Variants in CYP27C1 observed in about 807,000 individuals in gnomAD.
The protein encoded by CYP27C1 is cytochrome P450 27C1.
A neutral mutation model predicts 40.6 loss-of-function variants in CYP27C1; 29 were observed. The ratio of observed to expected loss-of-function variants is 0.71; its 90% confidence interval spans 0.53 to 0.97. The LOEUF is 0.97. Among genes scored for constraint, CYP27C1 ranks in the 50% least tolerant of loss-of-function variants. The pLI, the probability that CYP27C1 is intolerant of heterozygous loss-of-function variation, is 0.00. For synonymous variants in CYP27C1, 198 were observed against 186.8 expected, an observed-to-expected ratio of 1.06 and a Z score of -0.49; for missense variants, 390 against 485.8, an observed-to-expected ratio of 0.80 and a Z score of 1.85.
chr2:127,214,407 A>T (rs1439931628), intron 1 of CYP27C1, among the ~76,000 whole-genome samples: 1 of 152,220 alleles, frequency 6.6e-6, no homozygotes, highest in South Asian at 2.1e-4. Flanking sequence ...TAGCAAGGAC[A>T]TGGAACCAAC....
rs1683220721 is a variant in CYP27C1 at position 127,206,099 on chromosome 2, C to T, written c.283-9G>A. 2.0e-5 allele frequency among the ~76,000 whole-genome samples: 3 copies of T among 152,142 alleles called. No homozygotes were observed. The highest frequency in any genetic ancestry group is 7.2e-5 in the African/African-American group (3 of 41,432). On this transcript the variant is annotated splice_polypyrimidine_tract_variant and intron_variant, in intron 1 of 8. Transcript: ENST00000664447. ...TCCCGTGTGTGCTTCTGCTGCAATACCATGGAGAAATCAAAAAAGGAAAAA... is the reference window on the plus strand; with the variant it reads ...TCCCGTGTGTGCTTCTGCTGCAATATCATGGAGAAATCAAAAAAGGAAAAA...
At chr2:127,204,700 G>C (rs1053328492) in intron 2 of CYP27C1, among the ~76,000 whole-genome samples, 1 of 152,128 alleles carries the variant, frequency 6.6e-6, no homozygotes, top group Non-Finnish European at 1.5e-5. Flanking sequence ...GGGGCCTTGG[G>C]GCTCCTGGCT....
At chr2:127,198,112 T>C (rs1304315670) in intron 5 of CYP27C1, among the ~76,000 whole-genome samples, 1 of 151,802 alleles carries the variant, frequency 6.6e-6, no homozygotes, top group Non-Finnish European at 1.5e-5. Context: ...CTCATTCTGA[T>C]ATGAACCCTC....
At chr2:127,204,167 G>A (rs1047652627) in intron 2 of CYP27C1, among the ~76,000 whole-genome samples, 22 of 151,006 alleles carry the variant, frequency 1.5e-4, no homozygotes, top group African/African-American at 5.1e-4. Flanking sequence ...TCGGGAGGCT[G>A]AGGCAGGAGA....
intron 5 of CYP27C1, among the ~76,000 whole-genome samples, chr2:127,197,189 G>C (rs1682923308): frequency 6.6e-6 from 1 of 152,074 alleles, no homozygotes; most frequent in Non-Finnish European, 1.5e-5. Context: ...GTCTTAATTT[G>C]AGCGAATCCA....
rs955656240 is a variant in CYP27C1, at chr2:127,186,464, C to T, written c.*807G>A. The T allele has an allele frequency of 6.6e-6, 1 of 151,856 alleles. No individual in the cohort carries two copies. Among genetic ancestry groups the T allele is most frequent in the Non-Finnish European group, 1.5e-5 (1 of 68,024 alleles). 9.4% of individuals were successfully genotyped at this position (151,856 alleles called of 1,614,324 possible). On this transcript the variant is annotated 3_prime_UTR_variant, in exon 9 of 9. Transcript: ENST00000664447. This position sits in a 1 kb window ranked among gnomAD's most constrained non-coding sequence, Gnocchi z 4.5. ...CCAGGCTGAAGTGCAGTGGTGCCAT[C>T]ATAGATAGCTCACTGCAGACCCAAC...
chr2:127,193,720 A>T, intron 7 of CYP27C1, 69 bp downstream of exon 7: 1 of 1,535,678 alleles, frequency 6.5e-7, no homozygotes. Context: ...AGACTTCCTG[A>T]AGGTAGAAGC....
At chr2:127,214,629 T>G (rs1342819243) in intron 1 of CYP27C1, among the ~76,000 whole-genome samples, 2 of 151,816 alleles carry the variant, frequency 1.3e-5, no homozygotes, top group Non-Finnish European at 2.9e-5. Context: ...TGAGAACACA[T>G]GAACACAGAT....
chr2:127,189,508 G>C (rs907148916), intron 8 of CYP27C1, among the ~76,000 whole-genome samples: 2 of 151,904 alleles, frequency 1.3e-5, no homozygotes, highest in Non-Finnish European at 2.9e-5. Flanking sequence ...ATGCATGTGG[G>C]GCTTAAAACC....
At chr2:127,191,842 C>T (rs975453506) in intron 8 of CYP27C1, among the ~76,000 whole-genome samples, 4 of 152,212 alleles carry the variant, frequency 2.6e-5, no homozygotes, top group African/African-American at 9.6e-5. Context: ...CACATCCACA[C>T]AAAGGTGGGA....
intron 5 of CYP27C1, among the ~76,000 whole-genome samples, chr2:127,197,332 TTTTTG>T (rs559067483): frequency 7.2e-5 from 11 of 152,326 alleles, no homozygotes; most frequent in East Asian, 1.9e-4. Context: ...TGTGGGTTTG[TTTTTG>T]TTTTGTTTTG....
Position 127,195,346 on chromosome 2 carries a change from C to T in CYP27C1, c.1203G>A (p.Lys401=). 1.2e-6 allele frequency: 2 copies of T among 1,614,088 alleles called. No individual in the cohort carries two copies. The highest frequency in any genetic ancestry group is 1.7e-6 in the Non-Finnish European group (2 of 1,179,990). The part of the protein sequence containing the change: ...PKVPLVRALL[K]ETLRLFPVLP... ...GGCGAGCCTTTTACCTCAGGGTTTCCTTAAGGAGAGCTCTGACCAGCGGGA... is the reference window on the plus strand; with the variant it reads ...GGCGAGCCTTTTACCTCAGGGTTTCTTTAAGGAGAGCTCTGACCAGCGGGA... The change falls in exon 6 of 9, where the codon AAG becomes AAA. Residue 401 remains lysine, a synonymous_variant. Coordinates refer to ENST00000664447, the MANE Select transcript of CYP27C1 (RefSeq NM_001367502.1). This position sits in a 1 kb window ranked among gnomAD's most constrained non-coding sequence, Gnocchi z 6.2.
At chr2:127,213,304 T>C (rs1683367922) in intron 1 of CYP27C1, among the ~76,000 whole-genome samples, 1 of 86,298 alleles carries the variant, frequency 1.2e-5, no homozygotes, top group Admixed American at 1.6e-4. Context: ...CTTCACAGAA[T>C]TAGAAAAAAA....
rs148123964 is a variant in CYP27C1 at position 127,206,015 on chromosome 2, G to A, written c.358C>T (p.Arg120Cys). The stretch of plus-strand genomic sequence containing the variant: ...CGGAGCACCTGAGCCACCATATCGC[G>A]GTCTGCAATAGATACTACAAACTGA... Reference protein sequence around the residue: ...GPQFVVSIADRDMVAQVLRAE... With the variant: ...GPQFVVSIADCDMVAQVLRAE... Residue 120 changes from arginine (R) to cysteine (C), a missense_variant, in exon 2 of 9, where the codon CGC (arginine) becomes TGC (cysteine). Coordinates refer to ENST00000664447, the MANE Select transcript of CYP27C1 (RefSeq NM_001367502.1). Among the ~76,000 whole-genome samples the A allele has an allele frequency of 0.01, 1,576 of 152,332 alleles. 15 individuals carry two copies. The highest frequency in any genetic ancestry group is 0.018 in the Non-Finnish European group (1,204 of 68,036).
rs1683499167 is a variant in CYP27C1 at position 127,219,168 on chromosome 2, C to T, written c.282+821G>A. Among the ~76,000 whole-genome samples the T allele has an allele frequency of 6.6e-6, 1 of 152,122 alleles. No homozygotes were observed. Among genetic ancestry groups the T allele is most frequent in the Non-Finnish European group, 1.5e-5 (1 of 68,006 alleles). ...GACTAGAAATGAATACACACGGTCT[C>T]GGCCACCTAAGGACACCGAGCTCCG... On this transcript the variant is annotated intron_variant, in intron 1 of 8. Coordinates refer to ENST00000664447, the MANE Select transcript of CYP27C1 (RefSeq NM_001367502.1). The surrounding 1 kb of genome is among the most constrained non-coding windows in gnomAD (Gnocchi z 8.7).
chr2:127,200,686 G>T lies in CYP27C1; in HGVS notation c.883+436C>A, dbSNP rs1467510143. ...CTTTGAAAAACAAATCCATGGCCAG[G>T]CGTGGTGGCTCACACTTGTAATCCC... is the stretch of plus-strand genomic sequence containing the variant. On this transcript the variant is annotated intron_variant, in intron 4 of 8. Transcript: ENST00000664447. This position sits in a 1 kb window ranked among gnomAD's most constrained non-coding sequence, Gnocchi z 4.2. 6.6e-6 allele frequency among the ~76,000 whole-genome samples: 1 copy of T among 152,174 alleles called. No homozygotes were observed. Among genetic ancestry groups the T allele is most frequent in the Admixed American group, 6.5e-5 (1 of 15,280 alleles).
At position 127,201,417 on chromosome 2, in the gene CYP27C1, A is replaced by T; in HGVS notation, c.674-86T>A. The T allele has an allele frequency of 3.0e-6, 4 of 1,339,292 alleles. No individual in the cohort carries two copies. Among genetic ancestry groups the T allele is most frequent in the Non-Finnish European group, 4.1e-6 (4 of 966,538 alleles). 83.0% of individuals were successfully genotyped at this position (1,339,292 alleles called of 1,614,324 possible). Reference sequence around the variant, plus strand: ...TGTTGGGCCATAAATGCAACTTTCAAACGTGGTCCAGGTGCCTTTCATGAA... The same window carrying T: ...TGTTGGGCCATAAATGCAACTTTCATACGTGGTCCAGGTGCCTTTCATGAA... On this transcript the variant is annotated intron_variant, in intron 3 of 8. Coordinates refer to ENST00000664447, the MANE Select transcript of CYP27C1 (RefSeq NM_001367502.1). This position sits in a 1 kb window ranked among gnomAD's most constrained non-coding sequence, Gnocchi z 6.0.
At chr2:127,189,018 C>T (rs535530709) in intron 8 of CYP27C1, among the ~76,000 whole-genome samples, 3 of 152,292 alleles carry the variant, frequency 2.0e-5, no homozygotes, top group African/African-American at 7.2e-5. Context: ...AACGCCTGCT[C>T]ATTCCCATGC....
chr2:127,211,316 C>G (rs1308794629), intron 1 of CYP27C1, among the ~76,000 whole-genome samples: 2 of 141,264 alleles, frequency 1.4e-5, no homozygotes, highest in African/African-American at 5.4e-5. Flanking sequence ...CCAATGAGAA[C>G]AAAGAGACAA....
Sources: gnomAD v4.1 joint callset for allele counts (sites outside exome capture counted in the v4.1 genomes callset) on GRCh38, gnomAD v4.1.1 for gene constraint, Gnocchi (gnomAD v3.1) non-coding constraint, MANE v1.5 for transcripts, NCBI Gene and HGNC (gene_info 2026-07-23, HGNC 2026-07-21) for gene names.